The following GPC4 variants were observed in gnomAD, a reference collection of about 807,000 sequenced individuals.
The protein encoded by GPC4 is glypican 4.
In GPC4, 10 loss-of-function variants were observed where a neutral mutation model predicts 35.0. That is an observed-to-expected ratio of 0.29 (90% CI 0.18 to 0.48). GPC4 has a LOEUF of 0.48. Among genes scored for constraint, GPC4 ranks in the 20% least tolerant of loss-of-function variants. GPC4 has a pLI of 0.99. For missense variants in GPC4, 322 were observed against 451.3 expected, an observed-to-expected ratio of 0.71 and a Z score of 2.60; for synonymous variants, 167 against 170.2, an observed-to-expected ratio of 0.98 and a Z score of 0.15.
intron 1 of GPC4, among the ~76,000 whole-genome samples, chrX:133,385,916 G>A (rs1246959503): frequency 3.6e-5 from 4 of 110,118 alleles, no homozygotes; most frequent in African/African-American, 1.3e-4. Context: ...ACAGGACTGG[G>A]ATCGAGGCTT....
chrX:133,404,618 G>A (rs755104438), intron 1 of GPC4, among the ~76,000 whole-genome samples: 1 of 106,848 alleles, frequency 9.4e-6, no homozygotes, highest in African/African-American at 3.5e-5. Flanking sequence ...AGCACTTTGG[G>A]AGGCCAAGGC....
At chrX:133,316,150 A>T (rs1398155967) in intron 3 of GPC4, among the ~76,000 whole-genome samples, 3 of 111,831 alleles carry the variant, frequency 2.7e-5, no homozygotes. Flanking sequence ...ACTGGATTTT[A>T]TTGGTTTCTA....
chrX:133,331,110 C>T lies in GPC4; in HGVS notation c.320-6574G>A, dbSNP rs763367144. Among the ~76,000 whole-genome samples, 31 of 111,955 alleles carry T rather than the reference C, an allele frequency of 2.8e-4. No individual in the cohort carries two copies. The South Asian group carries it at 6.5e-3, about 23-fold the overall frequency. ...CTTTCTTCCCAAAGTTGCTTTTATTCGTGAACACATTTTGAATGCTAAGGC... is the reference window on the plus strand; with the variant it reads ...CTTTCTTCCCAAAGTTGCTTTTATTTGTGAACACATTTTGAATGCTAAGGC... On this transcript the variant is annotated intron_variant, in intron 2 of 8. Transcript: ENST00000370828.
At chrX:133,320,635 A>AG (rs1295321149) in intron 3 of GPC4, among the ~76,000 whole-genome samples, 3 of 108,399 alleles carry the variant, frequency 2.8e-5, no homozygotes, top group Admixed American at 1.0e-4. Context: ...AAAAAAAAAA[A>AG]AAAAAAAAAA....
chrX:133,367,932 C>T (rs1322550023), intron 1 of GPC4, among the ~76,000 whole-genome samples: 2 of 110,695 alleles, frequency 1.8e-5, no homozygotes, highest in Admixed American at 1.9e-4. Flanking sequence ...CTGTGCTAGG[C>T]GAAACTGGAA....
intron 1 of GPC4, among the ~76,000 whole-genome samples, chrX:133,344,613 C>T (rs2068484605): frequency 9.0e-6 from 1 of 111,545 alleles, no homozygotes; most frequent in South Asian, 3.8e-4. Flanking sequence ...GAAAGTGTCT[C>T]TCCAATTCTC....
At chrX:133,348,941 G>A (rs2068505006) in intron 1 of GPC4, among the ~76,000 whole-genome samples, 1 of 112,319 alleles carries the variant, frequency 8.9e-6, no homozygotes, top group Non-Finnish European at 1.9e-5. Context: ...AGACTGTATG[G>A]AGACTGAGAT....
At chrX:133,393,000 CT>C (rs1292615314) in intron 1 of GPC4, among the ~76,000 whole-genome samples, 1 of 112,204 alleles carries the variant, frequency 8.9e-6, no homozygotes, top group Non-Finnish European at 1.9e-5. Context: ...AGGAAACGCC[CT>C]TTGACCAGAG....
intron 1 of GPC4, among the ~76,000 whole-genome samples, chrX:133,343,074 G>C (rs1178838652): frequency 1.8e-5 from 2 of 111,473 alleles, no homozygotes. Context: ...AATAAAGATG[G>C]GACAGGTAGA....
At chrX:133,331,757 T>TAA (rs10685878) in intron 2 of GPC4, among the ~76,000 whole-genome samples, 37,658 of 92,605 alleles carry the variant, frequency 0.41, 7,971 homozygotes, top group African/African-American at 0.73. Flanking sequence ...TGAGACTGTC[T>TAA]AAAAAAAAAA....
At chrX:133,354,572 T>A (rs7887720) in intron 1 of GPC4, among the ~76,000 whole-genome samples, 4,564 of 94,462 alleles carry the variant, frequency 0.048, 250 homozygotes, top group East Asian at 0.18. Flanking sequence ...TTATTTATTT[T>A]TTTTTTTGAG....
At chrX:133,303,420 T>C in intron 7 of GPC4, 79 bp from the exon 8 acceptor site, 1 of 846,274 alleles carries the variant, frequency 1.2e-6, no homozygotes. Context: ...AGTGCTGGGA[T>C]TACAGGCGTG....
intron 1 of GPC4, among the ~76,000 whole-genome samples, chrX:133,378,394 C>A (rs1316914392): frequency 9.2e-6 from 1 of 108,262 alleles, no homozygotes; most frequent in East Asian, 2.9e-4. Flanking sequence ...GGTGAAACCC[C>A]ATCTCTACTA....
intron 1 of GPC4, among the ~76,000 whole-genome samples, chrX:133,395,783 A>G (rs773992162): frequency 9.0e-6 from 1 of 111,562 alleles, no homozygotes; most frequent in Admixed American, 9.6e-5. Flanking sequence ...TGTTTGAGGG[A>G]CCAACAGATT....
chrX:133,316,051 T>G (rs778366970), intron 3 of GPC4, among the ~76,000 whole-genome samples: 2 of 111,849 alleles, frequency 1.8e-5, no homozygotes, highest in Admixed American at 1.9e-4. Context: ...TTATTTAGCT[T>G]TTATGGTTTC....
At chrX:133,409,746 T>C (rs1468036417) in intron 1 of GPC4, among the ~76,000 whole-genome samples, 2 of 111,830 alleles carry the variant, frequency 1.8e-5, no homozygotes, top group Non-Finnish European at 3.8e-5. Context: ...TTTGAGATGC[T>C]TGGAGCCACT....
At chrX:133,386,616 CT>C (rs1409234551) in intron 1 of GPC4, among the ~76,000 whole-genome samples, 4 of 111,545 alleles carry the variant, frequency 3.6e-5, no homozygotes, top group Non-Finnish European at 7.5e-5. Context: ...AGAAATCTGT[CT>C]ATTCAGATGC....
At chrX:133,341,365 G>C (rs2124135075) in intron 1 of GPC4, among the ~76,000 whole-genome samples, 1 of 111,905 alleles carries the variant, frequency 8.9e-6, no homozygotes. Flanking sequence ...GGAATGCTCA[G>C]AATGAGAACC....
chrX:133,322,022 A>T (rs1362948806), intron 3 of GPC4, among the ~76,000 whole-genome samples: 1 of 111,467 alleles, frequency 9.0e-6, no homozygotes, highest in Non-Finnish European at 1.9e-5. Context: ...TCCCATGAGC[A>T]CCTATTTTTC....
Sources: gnomAD v4.1 joint callset for allele counts (sites outside exome capture counted in the v4.1 genomes callset) on GRCh38, gnomAD v4.1.1 for gene constraint, MANE v1.5 for transcripts, NCBI Gene and HGNC (gene_info 2026-07-23, HGNC 2026-07-21) for gene names.